Variants in VPS13A observed in about 807,000 individuals in gnomAD.
VPS13A encodes the protein vacuolar protein sorting 13 homolog A.
In VPS13A, 264 loss-of-function variants were observed where a neutral mutation model predicts 390.9. The ratio of observed to expected loss-of-function variants is 0.68; its 90% CI spans 0.61 to 0.75. The LOEUF is 0.75. VPS13A is among the 30% of genes least tolerant of loss of function. The pLI is 0.00. For missense variants in VPS13A, 3,409 were observed against 3,733.9 expected, an observed-to-expected ratio of 0.91 and a Z score of 2.27; for synonymous variants, 1,231 against 1,227.1, an observed-to-expected ratio of 1.00 and a Z score of -0.07.
chr9:77,201,075 A>G (rs576252957), intron 2 of VPS13A, among the ~76,000 whole-genome samples: 1 of 152,130 alleles, frequency 6.6e-6, no homozygotes, highest in Non-Finnish European at 1.5e-5. Context: ...TCTTTTTCTT[A>G]AAATAATATA....
intron 51 of VPS13A, 75 bp from the exon 52 acceptor site, chr9:77,344,934 C>G (rs1427928597): frequency 6.7e-6 from 10 of 1,503,390 alleles, no homozygotes; most frequent in South Asian, 1.1e-5. Context: ...TATGAATAGT[C>G]TGTTCTTAAA....
chr9:77,257,090 T>C (rs1825492493), intron 22 of VPS13A, among the ~76,000 whole-genome samples: 1 of 152,194 alleles, frequency 6.6e-6, no homozygotes, highest in South Asian at 2.1e-4. Flanking sequence ...CCTTTAATGG[T>C]GCCCTTTGTG....
rs369852282 is a variant in VPS13A, at chr9:77,315,151, T to C, written c.4413-102T>C. The C allele has an allele frequency of 2.1e-4, 222 of 1,080,258 alleles. 1 individual carries two copies. The African/African-American group carries it at 2.6e-3, about 13-fold the overall frequency. 66.9% of individuals were successfully genotyped at this position (1,080,258 alleles called of 1,614,324 possible). A position where few individuals can be genotyped will look rare whatever the true frequency, so the allele number is the denominator to read the frequency against. On this transcript the variant is annotated intron_variant, in intron 37 of 71. Transcript: ENST00000360280. ...AAGAGACATGACTTCAGAATGCTTT[T>C]TTTTGTCAGTAAAAGAGATAAGAGG...
intron 50 of VPS13A, 64 bp from the exon 51 acceptor site, chr9:77,344,089 G>T: frequency 2.9e-6 from 4 of 1,379,138 alleles, no homozygotes; most frequent in Non-Finnish European, 4.0e-6. Context: ...GGAATATTAA[G>T]ATGATTTATA....
chr9:77,238,211 A>G lies in VPS13A; in HGVS notation c.1785+20A>G. 1.2e-6 allele frequency: 2 copies of G among 1,609,674 alleles called. No homozygotes were observed. Among genetic ancestry groups the G allele is most frequent in the East Asian group, 4.5e-5 (2 of 44,770 alleles). On this transcript the variant is annotated intron_variant, in intron 18 of 71. Coordinates refer to ENST00000360280, the MANE Select transcript of VPS13A (RefSeq NM_033305.3). ...GATGCAGTAAGCATTTTTTTAAATT[A>G]CTAAGTTTTAATATAATTTAGTTTG...
chr9:77,235,690 T>G (rs1218917516), intron 17 of VPS13A, among the ~76,000 whole-genome samples: 3 of 152,214 alleles, frequency 2.0e-5, no homozygotes, highest in Non-Finnish European at 4.4e-5. Context: ...TTGTTCCACT[T>G]GATGGTCTCC....
intron 8 of VPS13A, 77 bp downstream of exon 8, chr9:77,213,105 A>G (rs1826063182): frequency 1.3e-6 from 2 of 1,566,062 alleles, no homozygotes; most frequent in South Asian, 1.1e-5. Context: ...ATAGATAAGG[A>G]TGTATGTGAA....
rs1823119488 is a variant in VPS13A at position 77,220,240 on chromosome 9, G to A, written c.883-37G>A. Reference sequence around the variant, plus strand: ...ATCTTCAGCAATTGAACAAAAAAATGTGATACATTTAAGAGCTTTAATTTT... The same window carrying A: ...ATCTTCAGCAATTGAACAAAAAAATATGATACATTTAAGAGCTTTAATTTT... On this transcript the variant is annotated intron_variant, in intron 11 of 71. Coordinates refer to ENST00000360280, the MANE Select transcript of VPS13A (RefSeq NM_033305.3). The A allele has an allele frequency of 1.7e-5, 26 of 1,573,160 alleles. No homozygotes were observed. The South Asian group carries it at 2.6e-4, about 16-fold the overall frequency.
intron 35 of VPS13A, among the ~76,000 whole-genome samples, chr9:77,311,305 A>G (rs1829063459): frequency 6.6e-6 from 1 of 152,170 alleles, no homozygotes. Context: ...AGCCCATAAG[A>G]TTATTTTAAA....
rs139934257 is a variant in VPS13A, at chr9:77,243,834, T to C, written c.1901-3425T>C. On this transcript the variant is annotated intron_variant, in intron 19 of 71. Coordinates refer to ENST00000360280, the MANE Select transcript of VPS13A (RefSeq NM_033305.3). Reference sequence around the variant, plus strand: ...AAATTTTTGATTAATGCTGTATGGGTCCAATCAGGAAAGAAAAACCACACA... The same window carrying C: ...AAATTTTTGATTAATGCTGTATGGGCCCAATCAGGAAAGAAAAACCACACA... Among the ~76,000 whole-genome samples, 652 of 152,218 alleles carry C rather than the reference T, an allele frequency of 4.3e-3. 4 individuals carry two copies. The highest frequency in any genetic ancestry group is 0.01 in the South Asian group (49 of 4,822).
At chr9:77,330,734 A>T (rs574166886) in intron 45 of VPS13A, among the ~76,000 whole-genome samples, 1 of 152,224 alleles carries the variant, frequency 6.6e-6, no homozygotes, top group African/African-American at 2.4e-5. Context: ...CTCCATCCAC[A>T]CCATGGAATT....
chr9:77,250,329 C>G, intron 21 of VPS13A, 100 bp downstream of exon 21: 1 of 1,403,822 alleles, frequency 7.1e-7, no homozygotes, highest in South Asian at 1.2e-5. Flanking sequence ...GTTAGAACGT[C>G]TATATTTTTG....
chr9:77,219,895 A>G, intron 10 of VPS13A, 59 bp from the exon 11 acceptor site: 1 of 1,559,258 alleles, frequency 6.4e-7, no homozygotes. Flanking sequence ...TCATCACTTT[A>G]TTGCCTTGAG....
intron 71 of VPS13A, among the ~76,000 whole-genome samples, chr9:77,412,554 C>G (rs1834987649): frequency 6.6e-6 from 1 of 152,146 alleles, no homozygotes; most frequent in African/African-American, 2.4e-5. Context: ...ACCCTTCATC[C>G]TAAAAACTCT....
intron 21 of VPS13A, among the ~76,000 whole-genome samples, chr9:77,251,020 C>T (rs1330509062): frequency 6.6e-6 from 1 of 152,144 alleles, no homozygotes. Flanking sequence ...ATTACCTGAG[C>T]TAACCAATAA....
intron 1 of VPS13A, among the ~76,000 whole-genome samples, chr9:77,192,766 T>G (rs1261913754): frequency 6.6e-6 from 1 of 152,106 alleles, no homozygotes; most frequent in Non-Finnish European, 1.5e-5. Context: ...CTAGCTCCCT[T>G]TATTATTTTT....
intron 1 of VPS13A, among the ~76,000 whole-genome samples, chr9:77,182,288 T>C (rs1389278083): frequency 2.0e-5 from 3 of 152,076 alleles, no homozygotes; most frequent in African/African-American, 7.2e-5. Flanking sequence ...GGGACGGCAT[T>C]TCACCACGTC....
At chr9:77,375,242 G>GA (rs1046772989) in intron 67 of VPS13A, among the ~76,000 whole-genome samples, 3 of 151,780 alleles carry the variant, frequency 2.0e-5, no homozygotes, top group African/African-American at 7.3e-5. Flanking sequence ...AACATTTTTA[G>GA]AAAAAATAAT....
intron 23 of VPS13A, 127 bp downstream of exon 23, chr9:77,260,351 CTTTTTTTTTTT>C (rs750675055): frequency 1.6e-4 from 59 of 376,300 alleles, no homozygotes; most frequent in South Asian, 2.5e-4. Context: ...AAGAAAATTA[CTTTTTTTTTTT>C]TTTTTTTTTT....
Sources: allele counts gnomAD v4.1 joint callset (sites outside exome capture counted in the v4.1 genomes callset), GRCh38; gene constraint gnomAD v4.1.1; transcripts MANE v1.5; gene names NCBI Gene and HGNC (gene_info 2026-07-23, HGNC 2026-07-21).